TMEM108: variants seen among roughly 807,000 people sequenced by gnomAD.
TMEM108 encodes cancer/testis antigen 124.
In TMEM108, 12 loss-of-function variants were observed where a neutral mutation model predicts 35.1. The observed-to-expected ratio is 0.34, with a 90% CI of 0.22 to 0.55. The LOEUF is 0.55. Among genes scored for constraint, TMEM108 ranks in the 20% least tolerant of loss-of-function variants. The pLI is 0.89. For missense variants in TMEM108, 680 were observed against 753.3 expected, an observed-to-expected ratio of 0.90 and a Z score of 1.14; for synonymous variants, 287 against 308.6, an observed-to-expected ratio of 0.93 and a Z score of 0.73.
intron 3 of TMEM108, among the ~76,000 whole-genome samples, chr3:133,258,177 C>A (rs1946574530): frequency 1.3e-5 from 2 of 152,152 alleles, no homozygotes; most frequent in South Asian, 4.1e-4. Flanking sequence ...AGCTTTCTCA[C>A]CCCTTCCTCC....
chr3:133,189,549 A>T (rs1322736555), intron 2 of TMEM108, among the ~76,000 whole-genome samples: 1 of 152,222 alleles, frequency 6.6e-6, no homozygotes, highest in African/African-American at 2.4e-5. Flanking sequence ...TGACCAGAAG[A>T]TAATCACATG....
intron 2 of TMEM108, among the ~76,000 whole-genome samples, chr3:133,081,592 G>A (rs1182906266): frequency 2.0e-5 from 3 of 152,164 alleles, no homozygotes; most frequent in Non-Finnish European, 4.4e-5. Context: ...TTTCCCTGCA[G>A]GCCAGAATAA....
At chr3:133,258,435 A>G (rs545249166) in intron 3 of TMEM108, among the ~76,000 whole-genome samples, 5 of 152,362 alleles carry the variant, frequency 3.3e-5, no homozygotes, top group South Asian at 4.1e-4. Flanking sequence ...CCCAGGCTGA[A>G]AGGAGCCAGC....
At chr3:133,381,222 C>T (rs2073004533) in intron 4 of TMEM108, 61 bp downstream of exon 4, 15 of 1,495,880 alleles carry the variant, frequency 1.0e-5, no homozygotes, top group Non-Finnish European at 1.3e-5. Context: ...TCAACCCCAG[C>T]ATTCCTTTGT....
intron 3 of TMEM108, among the ~76,000 whole-genome samples, chr3:133,290,647 A>T (rs34391675): frequency 0.14 from 21,597 of 152,090 alleles, 1,618 homozygotes; most frequent in South Asian, 0.22. Context: ...AAACAAATAA[A>T]CAAAAAAACC....
chr3:133,079,977 A>C (rs1943789302), intron 2 of TMEM108, among the ~76,000 whole-genome samples: 1 of 152,082 alleles, frequency 6.6e-6, no homozygotes, highest in South Asian at 2.1e-4. Context: ...GTGAGATCTA[A>C]GTTTTGCACA....
intron 2 of TMEM108, among the ~76,000 whole-genome samples, chr3:133,059,330 A>G (rs982605842): frequency 2.6e-5 from 4 of 152,114 alleles, no homozygotes; most frequent in African/African-American, 9.7e-5. Context: ...TTTTTTAAAC[A>G]TATATTTAGT....
intron 3 of TMEM108, among the ~76,000 whole-genome samples, chr3:133,285,088 A>T (rs1946965882): frequency 6.6e-6 from 1 of 152,048 alleles, no homozygotes; most frequent in African/African-American, 2.4e-5. Context: ...ATCCTTGCTG[A>T]ATTGTTTTGT....
In TMEM108 at chr3:133,178,638, C is replaced by A. The variant is rs577694056; in HGVS notation, c.-46-50628C>A. The stretch of plus-strand genomic sequence containing the variant: ...AAGCTGAAACTGGATCCCTTCCTTA[C>A]ACCTTATACAAAAATTAATCCAAGG... On this transcript the variant is annotated intron_variant, in intron 2 of 5. Transcript: ENST00000321871. Among the ~76,000 whole-genome samples, 13 of 152,324 alleles carry A rather than the reference C, an allele frequency of 8.5e-5. No homozygotes were observed. In the South Asian group the frequency reaches 2.5e-3, roughly 29 times the overall value.
At chr3:133,123,460 A>G (rs1287586494) in intron 2 of TMEM108, among the ~76,000 whole-genome samples, 1 of 152,248 alleles carries the variant, frequency 6.6e-6, no homozygotes, top group Admixed American at 6.5e-5. Context: ...TCAACAGTGT[A>G]GAAGAATGTC....
At chr3:133,384,051 C>G (rs1367048236) in intron 4 of TMEM108, among the ~76,000 whole-genome samples, 1 of 152,174 alleles carries the variant, frequency 6.6e-6, no homozygotes, top group Non-Finnish European at 1.5e-5. Flanking sequence ...AGGAACTATC[C>G]TCATCTATTT....
chr3:133,127,227 T>C (rs1464452096), intron 2 of TMEM108, among the ~76,000 whole-genome samples: 1 of 152,200 alleles, frequency 6.6e-6, no homozygotes, highest in Non-Finnish European at 1.5e-5. Flanking sequence ...TCAGTGTCCA[T>C]TTCTAAATTT....
At chr3:133,060,535 C>A (rs114438499) in intron 2 of TMEM108, among the ~76,000 whole-genome samples, 4,196 of 152,118 alleles carry the variant, frequency 0.028, 103 homozygotes, top group South Asian at 0.061. Context: ...TGTTTGTATA[C>A]CCCCCAAATT....
intron 3 of TMEM108, chr3:133,248,188 A>G (rs1324904980): frequency 6.6e-6 from 1 of 152,146 alleles, no homozygotes; most frequent in Non-Finnish European, 1.5e-5. Context: ...CAACCAAAGG[A>G]GACTGACGAT....
chr3:133,120,041 A>G (rs1446357177), intron 2 of TMEM108, among the ~76,000 whole-genome samples: 1 of 152,360 alleles, frequency 6.6e-6, no homozygotes, highest in East Asian at 1.9e-4. Context: ...CACTATGACT[A>G]GATTCCAGCC....
At chr3:133,125,828 T>A (rs751665401) in intron 2 of TMEM108, among the ~76,000 whole-genome samples, 1 of 152,228 alleles carries the variant, frequency 6.6e-6, no homozygotes, top group Non-Finnish European at 1.5e-5. Flanking sequence ...TTCCTTCTTA[T>A]GTGGTTTCTT....
intron 3 of TMEM108, among the ~76,000 whole-genome samples, chr3:133,236,276 T>C (rs4854704): frequency 0.12 from 18,258 of 152,086 alleles, 1,491 homozygotes; most frequent in East Asian, 0.38. Context: ...ACAAAGTAAT[T>C]TTTTGTTCAA....
chr3:133,059,992 G>A (rs1447790530), intron 2 of TMEM108, among the ~76,000 whole-genome samples: 2 of 152,148 alleles, frequency 1.3e-5, no homozygotes, highest in Non-Finnish European at 2.9e-5. Context: ...CCCTAAATAC[G>A]TTAGCATTTA....
At chr3:133,320,262 TAAAG>T (rs2071249918) in intron 3 of TMEM108, among the ~76,000 whole-genome samples, 1 of 150,796 alleles carries the variant, frequency 6.6e-6, no homozygotes, top group Non-Finnish European at 1.5e-5. Flanking sequence ...AAAACCAACT[TAAAG>T]AAATTAAAAA....
Sources: allele counts gnomAD v4.1 joint callset (sites outside exome capture counted in the v4.1 genomes callset), GRCh38; gene constraint gnomAD v4.1.1; transcripts MANE v1.5; gene names NCBI Gene and HGNC (gene_info 2026-07-23, HGNC 2026-07-21).